Variants in TASP1 observed in about 807,000 individuals in gnomAD.
TASP1 encodes threonine aspartase 1.
A neutral mutation model predicts 56.6 loss-of-function variants in TASP1; 16 were observed. That is an observed-to-expected ratio of 0.28 (90% CI 0.19 to 0.43). The LOEUF is 0.43. TASP1 is among the 20% of genes least tolerant of loss of function. The probability of loss-of-function intolerance (pLI) is 1.00; values close to 1 mark genes in which losing one functional copy is unlikely to be tolerated. For missense variants in TASP1, 393 were observed against 511.6 expected, an observed-to-expected ratio of 0.77 and a Z score of 2.24; for synonymous variants, 179 against 184.2, an observed-to-expected ratio of 0.97 and a Z score of 0.23.
chr20:13,241,861 A>T, the TASP1 span, among the ~76,000 whole-genome samples: 5 of 152,256 alleles, frequency 3.3e-5, no homozygotes, highest in African/African-American at 4.8e-5. Flanking sequence ...AACCTACAGA[A>T]GTTGGATCAC....
At chr20:13,545,297 T>C (rs778593592) in intron 8 of TASP1, among the ~76,000 whole-genome samples, 3 of 152,200 alleles carry the variant, frequency 2.0e-5, no homozygotes, top group Non-Finnish European at 4.4e-5. Flanking sequence ...TAAATTATGA[T>C]AGTGCCATAT....
chr20:13,317,773 C>A, the TASP1 span, among the ~76,000 whole-genome samples: 3 of 152,108 alleles, frequency 2.0e-5, no homozygotes, highest in South Asian at 6.2e-4. Flanking sequence ...GACTTTATAC[C>A]CTTCACAAAA....
intron 4 of TASP1, among the ~76,000 whole-genome samples, chr20:13,616,419 C>T (rs752213971): frequency 2.0e-5 from 3 of 152,102 alleles, no homozygotes; most frequent in Admixed American, 6.5e-5. Flanking sequence ...CTCTCTTCTA[C>T]TAGATTCAGC....
chr20:13,214,550 C>G, the TASP1 span, among the ~76,000 whole-genome samples: 4,926 of 112,706 alleles, frequency 0.044, 122 homozygotes, highest in Middle Eastern at 0.058. Context: ...CACACACACA[C>G]ACACACACAC....
the TASP1 span, among the ~76,000 whole-genome samples, chr20:13,264,632 T>A: frequency 6.6e-6 from 1 of 152,208 alleles, no homozygotes; most frequent in Non-Finnish European, 1.5e-5. Context: ...TGACCCTAGA[T>A]GTGGCTATGG....
chr20:13,509,123 A>G (rs898858254), intron 10 of TASP1, among the ~76,000 whole-genome samples: 1 of 83,504 alleles, frequency 1.2e-5, no homozygotes, highest in Non-Finnish European at 2.6e-5. Flanking sequence ...TGAATGAAGA[A>G]AGTGTGTGTG....
the TASP1 span, among the ~76,000 whole-genome samples, chr20:13,365,049 G>A: frequency 6.6e-6 from 1 of 152,064 alleles, no homozygotes; most frequent in South Asian, 2.1e-4. Flanking sequence ...AAATATAATT[G>A]ATGATGGAAA....
rs34158191 is a variant in TASP1, at chr20:13,498,796, CAAA to C, written c.875-15462_875-15460del. Among the ~76,000 whole-genome samples the C allele has an allele frequency of 6.5e-3, 840 of 129,980 alleles. 3 individuals are homozygous for C. The highest frequency in any genetic ancestry group is 0.012 in the South Asian group (47 of 3,800). The allele number at this position is 129,980 out of a possible 152,430, so 85.3% of individuals were successfully genotyped here. A position where few individuals can be genotyped will look rare whatever the true frequency, so the allele number is the denominator to read the frequency against. On this transcript the variant is annotated intron_variant, in intron 10 of 13. Transcript: ENST00000337743. Reference sequence around the variant, plus strand: ...GTTAGAATGGCTATTATAAAAAAGGCAAAAAAAAAAAAAAAAAGGTGTTGGCAA... The same window carrying C: ...GTTAGAATGGCTATTATAAAAAAGGCAAAAAAAAAAAAAAGGTGTTGGCAA...
the TASP1 span, chr20:13,368,209 C>A: frequency 6.6e-6 from 1 of 152,148 alleles, no homozygotes; most frequent in African/African-American, 2.4e-5. Context: ...GTAGAGAGCA[C>A]TGTGCTTGGA....
chr20:13,490,640 CTATT>C, intron 10 of TASP1, among the ~76,000 whole-genome samples: 1 of 152,186 alleles, frequency 6.6e-6, no homozygotes, highest in East Asian at 1.9e-4. Context: ...TTTATTTACT[CTATT>C]CATTCATTCT....
the TASP1 span, chr20:13,221,686 G>C: frequency 1.4e-5 from 16 of 1,114,976 alleles, no homozygotes; most frequent in Admixed American, 2.2e-4. Context: ...CCGCGCTGCC[G>C]GGCTCCCGGG....
intron 4 of TASP1, among the ~76,000 whole-genome samples, chr20:13,609,909 T>C (rs1254095505): frequency 1.3e-5 from 2 of 152,190 alleles, no homozygotes; most frequent in Non-Finnish European, 2.9e-5. Flanking sequence ...GATAGATACA[T>C]GAATAATGTT....
At chr20:13,292,310 T>C in the TASP1 span, 1 of 957,416 alleles carries the variant, frequency 1.0e-6, no homozygotes, top group Non-Finnish European at 1.6e-6. Context: ...TTTTTTATTG[T>C]TGGGGTGGGG....
intron 4 of TASP1, among the ~76,000 whole-genome samples, chr20:13,603,578 T>C (rs1039198063): frequency 1.7e-4 from 26 of 151,886 alleles, no homozygotes; most frequent in Non-Finnish European, 3.7e-4. Flanking sequence ...TAAAGAAAAA[T>C]CAAACCACAG....
intron 8 of TASP1, among the ~76,000 whole-genome samples, chr20:13,554,103 T>C (rs2046073061): frequency 6.6e-6 from 1 of 152,286 alleles, no homozygotes. Flanking sequence ...TGAATGCAGA[T>C]GTGACATCTA....
the TASP1 span, among the ~76,000 whole-genome samples, chr20:13,248,783 A>T: frequency 1.3e-5 from 2 of 152,164 alleles, no homozygotes; most frequent in African/African-American, 4.8e-5. Flanking sequence ...GTTCTGCATG[A>T]CCTGCCATTT....
chr20:13,264,976 T>A, the TASP1 span, among the ~76,000 whole-genome samples: 1 of 152,164 alleles, frequency 6.6e-6, no homozygotes, highest in Non-Finnish European at 1.5e-5. Flanking sequence ...GGTAGCCTAG[T>A]GGACAAGTCA....
chr20:13,442,153 T>C (rs2043236165), intron 11 of TASP1, among the ~76,000 whole-genome samples: 1 of 152,148 alleles, frequency 6.6e-6, no homozygotes, highest in South Asian at 2.1e-4. Flanking sequence ...AAACTGAGTC[T>C]GTTCTTTAAC....
At chr20:13,399,208 C>T (rs1288373882) in intron 13 of TASP1, among the ~76,000 whole-genome samples, 1 of 152,166 alleles carries the variant, frequency 6.6e-6, no homozygotes, top group Non-Finnish European at 1.5e-5. Context: ...CTTATAAGTA[C>T]AAAATTTCCC....
Sources: allele counts gnomAD v4.1 joint callset (sites outside exome capture counted in the v4.1 genomes callset), GRCh38; gene constraint gnomAD v4.1.1; transcripts MANE v1.5; gene names NCBI Gene and HGNC (gene_info 2026-07-23, HGNC 2026-07-21).